Variants in KALRN observed in about 807,000 individuals in gnomAD.
KALRN encodes the protein kalirin RhoGEF kinase, also known as kalirin.
KALRN carries 70 observed loss-of-function variants against 353.7 expected under a neutral mutation model. That is an observed-to-expected ratio of 0.20 (90% CI 0.16 to 0.24). KALRN has a LOEUF of 0.24. KALRN is among the 10% of genes least tolerant of loss of function. KALRN has a pLI of 1.00. For missense variants in KALRN, 2,791 were observed against 3,756.7 expected, an observed-to-expected ratio of 0.74 and a Z score of 6.72; for synonymous variants, 1,391 against 1,434.8, an observed-to-expected ratio of 0.97 and a Z score of 0.69.
intron 1 of KALRN, among the ~76,000 whole-genome samples, chr3:124,086,309 T>TTGTGTGTGTGTGTG (rs59443298): frequency 4.9e-5 from 7 of 141,768 alleles, no homozygotes; most frequent in African/African-American, 1.0e-4. Context: ...GGTTGTTTTG[T>TTGTGTGTGTGTGTG]TGTGTGTGTG....
At chr3:124,668,095 A>ACACACAC (rs2085897186) in intron 47 of KALRN, among the ~76,000 whole-genome samples, 1 of 93,640 alleles carries the variant, frequency 1.1e-5, no homozygotes, top group African/African-American at 4.0e-5. Context: ...CACACACACA[A>ACACACAC]CCACCTTTGG....
At chr3:124,210,439 G>A (rs1488269619) in intron 1 of KALRN, among the ~76,000 whole-genome samples, 1 of 152,074 alleles carries the variant, frequency 6.6e-6, no homozygotes, top group African/African-American at 2.4e-5. Flanking sequence ...CCCCAGCATG[G>A]TTCTTATCCC....
intron 10 of KALRN, among the ~76,000 whole-genome samples, chr3:124,370,587 T>G (rs937228519): frequency 1.3e-5 from 2 of 152,240 alleles, no homozygotes; most frequent in African/African-American, 4.8e-5. Flanking sequence ...CACTTCCACC[T>G]CTTGGTAGCC....
chr3:124,195,898 C>T (rs1053561831), intron 1 of KALRN, among the ~76,000 whole-genome samples: 5 of 152,158 alleles, frequency 3.3e-5, no homozygotes, highest in Admixed American at 6.5e-5. Context: ...TTGTCAAAAG[C>T]GCTCTTTTGC....
intron 34 of KALRN, among the ~76,000 whole-genome samples, chr3:124,586,136 CCAGAATT>C (rs2075154817): frequency 6.6e-6 from 1 of 152,082 alleles, no homozygotes; most frequent in Non-Finnish European, 1.5e-5. Context: ...GCTCTAGAAA[CCAGAATT>C]CAGATGAAGA....
intron 1 of KALRN, among the ~76,000 whole-genome samples, chr3:124,034,071 G>A (rs2039159419): frequency 6.6e-6 from 1 of 152,170 alleles, no homozygotes; most frequent in South Asian, 2.1e-4. Flanking sequence ...GGGGAGGTGG[G>A]AGGCGGTCCC....
intron 1 of KALRN, among the ~76,000 whole-genome samples, chr3:124,115,972 C>A (rs1391862792): frequency 6.6e-6 from 1 of 152,146 alleles, no homozygotes; most frequent in African/African-American, 2.4e-5. Flanking sequence ...GTATGGTCCA[C>A]AAAGAATCAA....
intron 17 of KALRN, among the ~76,000 whole-genome samples, chr3:124,437,689 C>CAA (rs397876079): frequency 0.18 from 8,599 of 48,328 alleles, 1,777 homozygotes; most frequent in Middle Eastern, 0.33. Flanking sequence ...GATTCCGTCT[C>CAA]AAAAAAAAAA....
chr3:124,184,820 T>TA (rs1579096021), intron 1 of KALRN, among the ~76,000 whole-genome samples: 1 of 152,228 alleles, frequency 6.6e-6, no homozygotes, highest in East Asian at 1.9e-4. Context: ...ATTGTTGAAT[T>TA]AAAAAAATGA....
At chr3:124,455,149 A>G (rs1304939080) in intron 21 of KALRN, 28 bp from the exon 22 acceptor site, 3 of 1,612,448 alleles carry the variant, frequency 1.9e-6, no homozygotes, top group East Asian at 2.2e-5. Flanking sequence ...AATGTAATCC[A>G]GTAACTTAAG....
At position 124,247,496 on chromosome 3, in the gene KALRN, A is replaced by C. The variant is rs1018106731; in HGVS notation, c.263+12553A>C. Among the ~76,000 whole-genome samples the C allele has an allele frequency of 4.1e-4, 62 of 152,194 alleles. 2 individuals carry two copies. The highest frequency in any genetic ancestry group is 3.1e-3 in the Admixed American group (48 of 15,278). ...TATAATAATGCTATTTTGGGGATAT[A>C]AATAGTGTGGTGTTTCTATAATAAT... On this transcript the variant is annotated intron_variant, in intron 3 of 59. Transcript: ENST00000682506.
intron 33 of KALRN, among the ~76,000 whole-genome samples, chr3:124,557,703 T>C (rs2071442359): frequency 6.6e-6 from 1 of 152,194 alleles, no homozygotes; most frequent in South Asian, 2.1e-4. Flanking sequence ...AGGAATCAGA[T>C]GATCAGATGG....
rs530216222 is a variant in KALRN, at chr3:124,075,867, C to T, written c.73+42054C>T. On this transcript the variant is annotated intron_variant, in intron 1 of 59. Transcript: ENST00000682506. ...AAGAGGCCTTTTGGCAATGCAGATGCGGAGCTGAGCATGCTGTCTGAGTCA... is the reference window on the plus strand; with the variant it reads ...AAGAGGCCTTTTGGCAATGCAGATGTGGAGCTGAGCATGCTGTCTGAGTCA... Among the ~76,000 whole-genome samples the T allele has an allele frequency of 9.2e-5, 14 of 152,254 alleles. No homozygotes were observed. In the East Asian group the frequency reaches 1.5e-3, roughly 17 times the overall value.
chr3:124,496,834 G>A (rs1281528943), intron 33 of KALRN, among the ~76,000 whole-genome samples: 1 of 152,206 alleles, frequency 6.6e-6, no homozygotes, highest in East Asian at 1.9e-4. Context: ...GATTTGAGAA[G>A]AGCTCATCTC....
At chr3:124,598,586 TTCTC>T (rs999946513) in intron 34 of KALRN, among the ~76,000 whole-genome samples, 3 of 152,166 alleles carry the variant, frequency 2.0e-5, no homozygotes, top group African/African-American at 7.2e-5. Context: ...ATATAGGTCC[TTCTC>T]TCTCTCTTCC....
chr3:124,465,813 G>A (rs1213760278), intron 25 of KALRN, among the ~76,000 whole-genome samples: 1 of 152,168 alleles, frequency 6.6e-6, no homozygotes, highest in East Asian at 1.9e-4. Context: ...AGAGCCTATG[G>A]GAGGGAGAGC....
intron 1 of KALRN, among the ~76,000 whole-genome samples, chr3:124,101,708 C>T (rs139908743): frequency 5.0e-4 from 76 of 152,258 alleles, no homozygotes; most frequent in Middle Eastern, 3.4e-3. Context: ...TCTGGCTCCT[C>T]ATCTTCTATG....
At chr3:124,400,903 G>C (rs992514355) in intron 13 of KALRN, among the ~76,000 whole-genome samples, 15 of 152,098 alleles carry the variant, frequency 9.9e-5, no homozygotes, top group Non-Finnish European at 7.3e-5. Context: ...CATGCTTAAG[G>C]GGGAGGAAAC....
intron 1 of KALRN, among the ~76,000 whole-genome samples, chr3:124,087,332 A>G (rs1352101277): frequency 2.0e-5 from 3 of 152,306 alleles, no homozygotes; most frequent in South Asian, 2.1e-4. Context: ...ATTTCTTTTT[A>G]TAATTCAAGC....
Sources: gnomAD v4.1 joint callset for allele counts (sites outside exome capture counted in the v4.1 genomes callset) on GRCh38, gnomAD v4.1.1 for gene constraint, MANE v1.5 for transcripts, NCBI Gene and HGNC (gene_info 2026-07-23, HGNC 2026-07-21) for gene names.